PPTC7: variants seen among roughly 807,000 people sequenced by gnomAD.
PPTC7 encodes protein phosphatase targeting COQ7, also known as protein phosphatase PTC7 homolog.
In PPTC7, 6 loss-of-function variants were observed where a neutral mutation model predicts 30.8. The ratio of observed to expected loss-of-function variants is 0.19; its 90% CI spans 0.11 to 0.38. The LOEUF (loss-of-function observed/expected upper bound fraction) is 0.38, where lower values mean the gene tolerates loss of function less well. Among genes scored for constraint, PPTC7 ranks in the 10% least tolerant of loss-of-function variants. PPTC7 has a pLI of 1.00. For missense variants in PPTC7, 218 were observed against 404.8 expected (o/e 0.54, Z 3.96); for synonymous variants, 163 against 168.1 (o/e 0.97, Z 0.23).
At chr12:110,564,188 C>T (rs934173339) in intron 1 of PPTC7, among the ~76,000 whole-genome samples, 2 of 152,122 alleles carry the variant, frequency 1.3e-5, no homozygotes, top group African/African-American at 4.8e-5. Flanking sequence ...ATGCTGTTAG[C>T]AATGTTTCTG....
rs976160143 is a variant in PPTC7 at position 110,546,261 on chromosome 12, C to T, written c.404-183G>A. 70 of 594,294 alleles carry T rather than the reference C, an allele frequency of 1.2e-4. 1 individual carries two copies. Among genetic ancestry groups the T allele is most frequent in the South Asian group, 2.0e-4 (10 of 50,186 alleles). The allele number at this position is 594,294 out of a possible 1,614,324, so 36.8% of individuals were successfully genotyped here. A position where few individuals can be genotyped will look rare whatever the true frequency, so the allele number is the denominator to read the frequency against. Reference sequence around the variant, plus strand: ...AATAAAATCCTGATCAGGGTTAACACGGTGGGGAAAGAAAAAGGATTTGTA... The same window carrying T: ...AATAAAATCCTGATCAGGGTTAACATGGTGGGGAAAGAAAAAGGATTTGTA... On this transcript the variant is annotated intron_variant, in intron 2 of 5. Coordinates refer to ENST00000354300, the MANE Select transcript of PPTC7 (RefSeq NM_139283.2).
chr12:110,580,229 C>G (rs1227246262), intron 1 of PPTC7, among the ~76,000 whole-genome samples: 1 of 152,122 alleles, frequency 6.6e-6, no homozygotes, highest in African/African-American at 2.4e-5. Flanking sequence ...GGATTTCCAC[C>G]AGGATGTCAG....
intron 1 of PPTC7, among the ~76,000 whole-genome samples, chr12:110,578,321 A>G (rs1377495169): frequency 1.3e-5 from 2 of 152,212 alleles, no homozygotes; most frequent in Non-Finnish European, 2.9e-5. Flanking sequence ...AGAACTCAGA[A>G]TTAGCCACAG....
intron 1 of PPTC7, among the ~76,000 whole-genome samples, chr12:110,562,572 C>T (rs2064447419): frequency 6.6e-6 from 1 of 151,974 alleles, no homozygotes. Flanking sequence ...GTAAACAGAT[C>T]ACTTGAGGTC....
At chr12:110,572,149 A>G (rs1458176592) in intron 1 of PPTC7, among the ~76,000 whole-genome samples, 2 of 152,208 alleles carry the variant, frequency 1.3e-5, no homozygotes, top group African/African-American at 2.4e-5. Flanking sequence ...TCCTTGAAAG[A>G]TAACAACGTG....
At chr12:110,560,372 A>G (rs1242925949) in intron 1 of PPTC7, among the ~76,000 whole-genome samples, 2 of 151,906 alleles carry the variant, frequency 1.3e-5, no homozygotes, top group Non-Finnish European at 2.9e-5. Context: ...CTTGCACTTC[A>G]GCCTGAGCGA....
chr12:110,569,545 C>T (rs2064515717), intron 1 of PPTC7, among the ~76,000 whole-genome samples: 1 of 151,996 alleles, frequency 6.6e-6, no homozygotes, highest in Non-Finnish European at 1.5e-5. Flanking sequence ...CTCTAGAGTC[C>T]CTTTCTCGGA....
chr12:110,535,703 T>C lies in PPTC7; in HGVS notation c.*1334A>G, dbSNP rs1285611704. 2.6e-5 allele frequency: 4 copies of C among 152,616 alleles called. No homozygotes were observed. Among genetic ancestry groups the C allele is most frequent in the Non-Finnish European group, 5.9e-5 (4 of 68,036 alleles). The allele number at this position is 152,616 out of a possible 1,614,324, so 9.5% of individuals were successfully genotyped here. A position where few individuals can be genotyped will look rare whatever the true frequency, so the allele number is the denominator to read the frequency against. On this transcript the variant is annotated 3_prime_UTR_variant, in exon 6 of 6. Transcript: ENST00000354300. The stretch of plus-strand genomic sequence containing the variant: ...TTAAGGATTTCTAAGTATATATTTT[T>C]TTCTACCACCAAGTTAATGAAGGAA...
At chr12:110,578,675 A>G (rs1250455504) in intron 1 of PPTC7, among the ~76,000 whole-genome samples, 3 of 152,260 alleles carry the variant, frequency 2.0e-5, no homozygotes, top group South Asian at 2.1e-4. Flanking sequence ...AATCTGTTAC[A>G]CGGATACTCA....
At chr12:110,544,544 G>A (rs906598308) in intron 3 of PPTC7, among the ~76,000 whole-genome samples, 3 of 152,168 alleles carry the variant, frequency 2.0e-5, no homozygotes, top group Non-Finnish European at 2.9e-5. Context: ...CTCAAAAAAA[G>A]CACCATTTTG....
chr12:110,563,652 C>T (rs1245294527), intron 1 of PPTC7, among the ~76,000 whole-genome samples: 1 of 151,216 alleles, frequency 6.6e-6, no homozygotes, highest in Non-Finnish European at 1.5e-5. Context: ...AAACTATAGG[C>T]AAAACTCAAA....
chr12:110,543,643 TTCTG>T (rs1239989736), intron 3 of PPTC7, among the ~76,000 whole-genome samples: 4 of 152,214 alleles, frequency 2.6e-5, no homozygotes, highest in Non-Finnish European at 5.9e-5. Flanking sequence ...TCCTTTGCTA[TTCTG>T]TCTGTGAGAG....
At chr12:110,577,632 A>T (rs1416507573) in intron 1 of PPTC7, among the ~76,000 whole-genome samples, 3 of 152,222 alleles carry the variant, frequency 2.0e-5, no homozygotes, top group African/African-American at 7.2e-5. Flanking sequence ...TACTCACAAA[A>T]ACACTTCAAA....
chr12:110,555,518 C>G (rs1251964487), intron 1 of PPTC7, among the ~76,000 whole-genome samples: 1 of 152,084 alleles, frequency 6.6e-6, no homozygotes, highest in African/African-American at 2.4e-5. Flanking sequence ...ACAATGATAA[C>G]AAGTTTAAAA....
At position 110,549,481 on chromosome 12, in the gene PPTC7, T is replaced by C. The variant is rs140260590; in HGVS notation, c.403+2308A>G. Among the ~76,000 whole-genome samples the C allele has an allele frequency of 1.4e-3, 209 of 152,308 alleles. 1 individual carries two copies. Among genetic ancestry groups the C allele is most frequent in the Middle Eastern group, 6.8e-3 (2 of 294 alleles). On this transcript the variant is annotated intron_variant, in intron 2 of 5. Coordinates refer to ENST00000354300, the MANE Select transcript of PPTC7 (RefSeq NM_139283.2). ...TCAGCAGCTTGTCTTTGTCAAAATA[T>C]GCTTGAGTTTCATTACAAACAGCCT...
In PPTC7 at chr12:110,565,064, C is replaced by T. The variant is rs140553194; in HGVS notation, c.224-13096G>A. Among the ~76,000 whole-genome samples, 595 of 150,998 alleles carry T rather than the reference C, an allele frequency of 3.9e-3. 6 individuals are homozygous for T. Among genetic ancestry groups the T allele is most frequent in the African/African-American group, 0.014 (571 of 41,134 alleles). On this transcript the variant is annotated intron_variant, in intron 1 of 5. Coordinates refer to ENST00000354300, the MANE Select transcript of PPTC7 (RefSeq NM_139283.2). ...TCATTTTTTGAATTTTTAGTAGAGA[C>T]GGGGTTTCACCATGTCAGCCAGGCT...
At chr12:110,567,173 C>G (rs935191177) in intron 1 of PPTC7, among the ~76,000 whole-genome samples, 10 of 152,190 alleles carry the variant, frequency 6.6e-5, no homozygotes, top group African/African-American at 1.9e-4. Flanking sequence ...CACAGCTAAC[C>G]GTTGTTTCAT....
At chr12:110,542,532 A>G (rs932732396) in intron 3 of PPTC7, among the ~76,000 whole-genome samples, 1 of 151,794 alleles carries the variant, frequency 6.6e-6, no homozygotes. Flanking sequence ...AAGTTAGATC[A>G]TGGTGGTGCA....
intron 1 of PPTC7, among the ~76,000 whole-genome samples, chr12:110,555,610 G>A (rs779927998): frequency 1.1e-4 from 17 of 152,204 alleles, no homozygotes; most frequent in Non-Finnish European, 2.2e-4. Flanking sequence ...TAGTCCACTC[G>A]CAATCTGCTG....
Sources: gnomAD v4.1 joint callset for allele counts (sites outside exome capture counted in the v4.1 genomes callset) on GRCh38, gnomAD v4.1.1 for gene constraint, MANE v1.5 for transcripts, NCBI Gene and HGNC (gene_info 2026-07-23, HGNC 2026-07-21) for gene names.